MEGF11: variants seen among roughly 807,000 people sequenced by gnomAD.
MEGF11 encodes the protein multiple epidermal growth factor-like domains protein 11.
Under a neutral mutation model 146.6 loss-of-function variants are expected in MEGF11, and 126 were observed. That is an observed-to-expected ratio of 0.86 (90% confidence interval 0.74 to 1.00). The LOEUF (loss-of-function observed/expected upper bound fraction) is 1.00. Ranked by LOEUF, MEGF11 falls within the 50% of genes least tolerant of loss-of-function variation. MEGF11 has a pLI of 0.00. For missense variants in MEGF11, 1,509 were observed against 1,521.2 expected (o/e 0.99, Z 0.13); for synonymous variants, 532 against 583.4 (o/e 0.91, Z 1.27).
At chr15:66,133,697 C>T (rs976845736) in intron 1 of MEGF11, among the ~76,000 whole-genome samples, 2 of 152,134 alleles carry the variant, frequency 1.3e-5, no homozygotes, top group Non-Finnish European at 2.9e-5. Flanking sequence ...GAAGCTTCGT[C>T]CTTTGCCTTG....
intron 7 of MEGF11, among the ~76,000 whole-genome samples, chr15:65,973,714 G>T (rs1330424940): frequency 2.6e-5 from 4 of 152,216 alleles, no homozygotes; most frequent in Non-Finnish European, 1.5e-5. Flanking sequence ...GTTTGTATGG[G>T]TGTGTATGAC....
Position 65,953,790 on chromosome 15 carries a change from G to A in MEGF11, c.1287+3757C>T, listed in dbSNP as rs1015109972. The stretch of plus-strand genomic sequence containing the variant: ...CCCAAGCAGGACCTGCTTCTGCCCC[G>A]TGTCCCTGTGCTCTCGGGGGTGGAG... On this transcript the variant is annotated intron_variant, in intron 10 of 25. Transcript: ENST00000395614. Among the ~76,000 whole-genome samples, 10 of 151,950 alleles carry A rather than the reference G, an allele frequency of 6.6e-5. No homozygotes were observed. The East Asian group carries it at 1.4e-3, about 21-fold the overall frequency.
At chr15:66,187,983 G>A (rs548014276) in intron 1 of MEGF11, among the ~76,000 whole-genome samples, 6 of 152,278 alleles carry the variant, frequency 3.9e-5, no homozygotes, top group South Asian at 2.1e-4. Context: ...AAGTATACAC[G>A]CATGCACACA....
At chr15:66,009,644 G>C (rs2082644869) in intron 5 of MEGF11, among the ~76,000 whole-genome samples, 1 of 151,016 alleles carries the variant, frequency 6.6e-6, no homozygotes, top group Non-Finnish European at 1.5e-5. Flanking sequence ...CCAGGCTGGA[G>C]TGCAGTGGCG....
chr15:66,078,483 G>A (rs1235721500), intron 5 of MEGF11, among the ~76,000 whole-genome samples: 2 of 152,254 alleles, frequency 1.3e-5, no homozygotes, highest in African/African-American at 4.8e-5. Context: ...GCCCACAGGT[G>A]GGCAGGGGCT....
Position 65,930,939 on chromosome 15 carries a change from T to G in MEGF11, c.1292A>C (p.Glu431Ala). The change falls in exon 11 of 26, where the codon GAG becomes GCG. Residue 431 changes from glutamate to alanine, a missense_variant. Coordinates refer to ENST00000395614, the MANE Select transcript of MEGF11 (RefSeq NM_001385028.1). ...TGCTGCACAGGAAACGGCACAGACC[T>G]CTCCCTGGAAAGGGAGGGGGTGAAT... ...GCTCAPGFMG[E>A]VCAVSCAAGT... The G allele has an allele frequency of 6.3e-7, 1 of 1,582,282 alleles. No individual in the cohort carries two copies. The highest frequency in any genetic ancestry group is 8.6e-7 in the Non-Finnish European group (1 of 1,159,680).
intron 1 of MEGF11, among the ~76,000 whole-genome samples, chr15:66,191,502 G>A (rs1219244997): frequency 6.6e-6 from 1 of 152,140 alleles, no homozygotes; most frequent in Non-Finnish European, 1.5e-5. Flanking sequence ...GGGTTGCGGG[G>A]GTGTTAAGTC....
At chr15:66,081,039 C>T (rs1436810997) in intron 5 of MEGF11, among the ~76,000 whole-genome samples, 1 of 152,178 alleles carries the variant, frequency 6.6e-6, no homozygotes, top group Non-Finnish European at 1.5e-5. Flanking sequence ...TCCCGGCTGG[C>T]ACAGCACCCT....
At chr15:66,181,300 CAAT>C (rs2090539647) in intron 1 of MEGF11, among the ~76,000 whole-genome samples, 1 of 152,156 alleles carries the variant, frequency 6.6e-6, no homozygotes, top group Admixed American at 6.5e-5. Flanking sequence ...TGCAGTGGCA[CAAT>C]CACGGCTCAC....
chr15:66,022,306 T>C (rs1053364079), intron 5 of MEGF11, among the ~76,000 whole-genome samples: 11 of 152,230 alleles, frequency 7.2e-5, no homozygotes, highest in African/African-American at 1.7e-4. Context: ...GTGCCCAGTG[T>C]GGCCTCTGGG....
intron 10 of MEGF11, among the ~76,000 whole-genome samples, chr15:65,943,192 G>T (rs1187868086): frequency 2.0e-5 from 3 of 151,948 alleles, no homozygotes; most frequent in Admixed American, 1.3e-4. Flanking sequence ...TGGCCAGGCT[G>T]ATCTCAAACT....
intron 5 of MEGF11, among the ~76,000 whole-genome samples, chr15:65,987,510 A>G (rs1277368255): frequency 2.0e-5 from 3 of 152,192 alleles, no homozygotes; most frequent in African/African-American, 7.2e-5. Context: ...TAAAAGATAT[A>G]TAGCATACAA....
At position 65,897,631 on chromosome 15, in the gene MEGF11, T is replaced by G; in HGVS notation, c.*303A>C. 2 of 166,504 alleles carry G rather than the reference T, an allele frequency of 1.2e-5. No homozygotes were observed. Among genetic ancestry groups the G allele is most frequent in the Admixed American group, 6.4e-5 (1 of 15,662 alleles). 10.3% of individuals were successfully genotyped at this position (166,504 alleles called of 1,614,324 possible). A position where few individuals can be genotyped will look rare whatever the true frequency, so the allele number is the denominator to read the frequency against. ...TTTAAAATATCACGTTTCAGATAAA[T>G]ATATATATATATATCAGCTATATTT... On this transcript the variant is annotated 3_prime_UTR_variant, in exon 26 of 26. Coordinates refer to ENST00000395614, the MANE Select transcript of MEGF11 (RefSeq NM_001385028.1).
At chr15:66,190,852 A>G (rs891429554) in intron 1 of MEGF11, among the ~76,000 whole-genome samples, 1 of 152,156 alleles carries the variant, frequency 6.6e-6, no homozygotes, top group Non-Finnish European at 1.5e-5. Flanking sequence ...CATTTGCATA[A>G]ATTTGCTTGT....
chr15:65,984,862 G>C (rs193012799), intron 5 of MEGF11, among the ~76,000 whole-genome samples: 1 of 151,284 alleles, frequency 6.6e-6, no homozygotes, highest in Non-Finnish European at 1.5e-5. Flanking sequence ...TCTGTCTCCC[G>C]GGTTCAAGCA....
chr15:65,964,965 C>A lies in MEGF11; in HGVS notation c.1055G>T (p.Gly352Val). Residue 352 changes from glycine to valine, a missense_variant, in exon 9 of 26, where the codon GGC (glycine) becomes GTC (valine). By Grantham distance (109) the Gly-to-Val change is moderately radical (BLOSUM62 -3). Coordinates refer to ENST00000395614, the MANE Select transcript of MEGF11 (RefSeq NM_001385028.1). ...CAGGGTGCAGCCTGGGCCATGCAGG[C>A]CCTCCGGGCACAGTCGCTCCTGGCA... ...PRCQERLCPE[G>V]LHGPGCTLPC... 1 of 1,572,532 alleles carries A rather than the reference C, an allele frequency of 6.4e-7. No individual in the cohort carries two copies. The highest frequency in any genetic ancestry group is 8.6e-7 in the Non-Finnish European group (1 of 1,159,466).
chr15:65,922,012 ATG>A (rs1241310767), intron 15 of MEGF11: 1 of 347,368 alleles, frequency 2.9e-6, no homozygotes, highest in Non-Finnish European at 5.4e-6. Context: ...CACAGACCAC[ATG>A]GTGCCACTTC....
intron 5 of MEGF11, among the ~76,000 whole-genome samples, chr15:66,021,790 G>T (rs1304806866): frequency 6.6e-6 from 1 of 152,244 alleles, no homozygotes; most frequent in Non-Finnish European, 1.5e-5. Context: ...GGAGCCGAGA[G>T]AGCAGGGGGA....
intron 5 of MEGF11, among the ~76,000 whole-genome samples, chr15:66,065,903 C>A (rs556597316): frequency 5.9e-5 from 9 of 152,268 alleles, no homozygotes. Flanking sequence ...GGTCTCCTGG[C>A]ACAGAGGGGC....
Sources: allele counts gnomAD v4.1 joint callset (sites outside exome capture counted in the v4.1 genomes callset), GRCh38; gene constraint gnomAD v4.1.1; transcripts MANE v1.5; gene names NCBI Gene and HGNC (gene_info 2026-07-23, HGNC 2026-07-21).